The following ATP2B2 variants were observed in gnomAD, a reference collection of about 807,000 sequenced individuals.
ATP2B2 encodes the protein plasma membrane calcium-transporting ATPase 2.
A neutral mutation model predicts 120.0 loss-of-function variants in ATP2B2; 15 were observed. That is an observed-to-expected ratio of 0.12 (90% CI 0.08 to 0.19). ATP2B2 has a LOEUF of 0.19. Ranked by LOEUF, ATP2B2 falls within the 10% of genes least tolerant of loss-of-function variation. The pLI is 1.00. For missense variants in ATP2B2, 1,045 were observed against 1,719.8 expected, an observed-to-expected ratio of 0.61 and a Z score of 6.94; for synonymous variants, 694 against 700.3, an observed-to-expected ratio of 0.99 and a Z score of 0.14.
rs2059926671 is a variant in ATP2B2 at position 10,329,625 on chromosome 3, C to A, written c.3421-500G>T. Among the ~76,000 whole-genome samples, 2 of 152,046 alleles carry A rather than the reference C, an allele frequency of 1.3e-5. No individual in the cohort carries two copies. The highest frequency in any genetic ancestry group is 4.8e-5 in the African/African-American group (2 of 41,390). ...CATGGAACATGTTACGTGTCACAAA[C>A]AGAAAAGGCACAGAAAGGAGAGACG... On this transcript the variant is annotated intron_variant, in intron 22 of 22. Coordinates refer to ENST00000360273, the MANE Select transcript of ATP2B2 (RefSeq NM_001001331.4). The surrounding 1 kb of genome is among the most constrained non-coding windows in gnomAD (Gnocchi z 5.9).
chr3:10,402,424 C>T lies in ATP2B2; in HGVS notation c.398-76G>A. On this transcript the variant is annotated intron_variant, in intron 3 of 22. Transcript: ENST00000360273. The surrounding 1 kb of genome is among the most constrained non-coding windows in gnomAD (Gnocchi z 4.9). ...GCCTCATGGGCCTGGATTTACAGCT[C>T]AGCTCTGCAAAGTAACAAGTGTTAA... The T allele has an allele frequency of 6.3e-7, 1 of 1,584,096 alleles. No individual in the cohort carries two copies. Among genetic ancestry groups the T allele is most frequent in the Non-Finnish European group, 8.6e-7 (1 of 1,162,818 alleles).
At chr3:10,564,251 C>T (rs1297369738) in intron 2 of ATP2B2, among the ~76,000 whole-genome samples, 1 of 152,212 alleles carries the variant, frequency 6.6e-6, no homozygotes, top group Non-Finnish European at 1.5e-5. Context: ...TGCTGCTCAC[C>T]TGGGCTGTCC....
At chr3:10,359,271 C>T (rs556342150) in intron 13 of ATP2B2, among the ~76,000 whole-genome samples, 7 of 152,310 alleles carry the variant, frequency 4.6e-5, no homozygotes, top group South Asian at 2.1e-4. Flanking sequence ...TAAATACCCA[C>T]GTGCGAGCCT....
intron 1 of ATP2B2, among the ~76,000 whole-genome samples, chr3:10,683,684 A>G (rs1207792302): frequency 6.7e-6 from 1 of 148,312 alleles, no homozygotes; most frequent in African/African-American, 2.5e-5. Context: ...AGAAATATAT[A>G]TATACACATA....
At chr3:10,677,882 A>G (rs903527836) in intron 1 of ATP2B2, among the ~76,000 whole-genome samples, 15 of 152,226 alleles carry the variant, frequency 9.9e-5, no homozygotes, top group African/African-American at 2.7e-4. Flanking sequence ...AGCTCTCTGT[A>G]TGCCAGGCCC....
intron 1 of ATP2B2, among the ~76,000 whole-genome samples, chr3:10,682,923 C>A (rs2071417024): frequency 6.6e-6 from 1 of 152,120 alleles, no homozygotes; most frequent in Non-Finnish European, 1.5e-5. Context: ...AGGAGGCAAA[C>A]CCATTCATCG....
At chr3:10,686,632 C>G (rs547807895) in intron 1 of ATP2B2, among the ~76,000 whole-genome samples, 1 of 151,382 alleles carries the variant, frequency 6.6e-6, no homozygotes, top group East Asian at 1.9e-4. Flanking sequence ...CCAGCCTAGG[C>G]GACAGTGCGA....
At chr3:10,512,464 G>GCGCGCACACACACACACACACACACACA (rs749056818) in intron 3 of ATP2B2, among the ~76,000 whole-genome samples, 1 of 136,926 alleles carries the variant, frequency 7.3e-6, no homozygotes, top group Non-Finnish European at 1.6e-5. Context: ...AAGTGTGTGC[G>GCGCGCACACACACACACACACACACACA]CACACACACA....
intron 1 of ATP2B2, among the ~76,000 whole-genome samples, chr3:10,681,326 T>C (rs1249369824): frequency 4.6e-5 from 7 of 152,336 alleles, no homozygotes; most frequent in Admixed American, 4.6e-4. Flanking sequence ...CCCAGGCCCT[T>C]GTCACCAGAG....
chr3:10,669,416 G>A (rs529897929), intron 1 of ATP2B2, among the ~76,000 whole-genome samples: 3 of 152,154 alleles, frequency 2.0e-5, no homozygotes, highest in East Asian at 3.9e-4. Flanking sequence ...AGAGGGCCCC[G>A]CTCCACCCTC....
intron 1 of ATP2B2, among the ~76,000 whole-genome samples, chr3:10,623,735 T>C (rs960367407): frequency 1.3e-5 from 2 of 152,172 alleles, no homozygotes; most frequent in African/African-American, 4.8e-5. Flanking sequence ...AGTCATTGGC[T>C]CCAGGAGCCC....
intron 22 of ATP2B2, among the ~76,000 whole-genome samples, chr3:10,335,881 A>C (rs1049817248): frequency 2.0e-5 from 3 of 152,086 alleles, no homozygotes; most frequent in Non-Finnish European, 2.9e-5. Flanking sequence ...CCCTTGACTG[A>C]ACCAGACTTT....
At chr3:10,682,456 T>G (rs1559519350) in intron 1 of ATP2B2, among the ~76,000 whole-genome samples, 1 of 152,244 alleles carries the variant, frequency 6.6e-6, no homozygotes, top group Admixed American at 6.5e-5. Flanking sequence ...GTGCCTCAGT[T>G]TCTTTGCTGT....
At chr3:10,577,266 G>A (rs1356293301) in intron 2 of ATP2B2, among the ~76,000 whole-genome samples, 1 of 152,132 alleles carries the variant, frequency 6.6e-6, no homozygotes, top group Admixed American at 6.5e-5. Context: ...TGGCAAAACC[G>A]CCAAGTTGCC....
intron 11 of ATP2B2, among the ~76,000 whole-genome samples, chr3:10,374,133 G>A (rs1445881068): frequency 6.6e-6 from 1 of 152,162 alleles, no homozygotes; most frequent in Non-Finnish European, 1.5e-5. Context: ...AGGCGCAGAG[G>A]CCTAAAAGCA....
intron 1 of ATP2B2, among the ~76,000 whole-genome samples, chr3:10,644,087 A>G (rs1020821931): frequency 2.0e-5 from 3 of 152,180 alleles, no homozygotes; most frequent in African/African-American, 7.2e-5. Context: ...ATAAAAAGGC[A>G]AACAACCCAA....
At chr3:10,582,332 CT>C (rs2068410248) in intron 2 of ATP2B2, among the ~76,000 whole-genome samples, 1 of 152,162 alleles carries the variant, frequency 6.6e-6, no homozygotes, top group South Asian at 2.1e-4. Flanking sequence ...ATTGTTCTGT[CT>C]GGTTCTCTCT....
At chr3:10,600,127 G>T (rs555547692) in intron 2 of ATP2B2, among the ~76,000 whole-genome samples, 9 of 151,990 alleles carry the variant, frequency 5.9e-5, no homozygotes, top group African/African-American at 1.9e-4. Context: ...GGCCATGGGG[G>T]CCACACCCCT....
At chr3:10,599,207 G>A (rs555764066) in intron 2 of ATP2B2, among the ~76,000 whole-genome samples, 2 of 152,166 alleles carry the variant, frequency 1.3e-5, no homozygotes, top group African/African-American at 2.4e-5. Context: ...AGCTACCCAC[G>A]GCCTTCAGAA....
Sources: gnomAD v4.1 joint callset for allele counts (sites outside exome capture counted in the v4.1 genomes callset) on GRCh38, gnomAD v4.1.1 for gene constraint, Gnocchi (gnomAD v3.1) non-coding constraint, MANE v1.5 for transcripts, NCBI Gene and HGNC (gene_info 2026-07-23, HGNC 2026-07-21) for gene names.